Variants in CNTNAP5 observed in about 807,000 individuals in gnomAD.
The protein encoded by CNTNAP5 is contactin associated protein family member 5, also known as contactin-associated protein-like 5.
In CNTNAP5, 72 loss-of-function variants were observed where a neutral mutation model predicts 150.2. The observed-to-expected ratio is 0.48, with a 90% CI of 0.40 to 0.58. The LOEUF (loss-of-function observed/expected upper bound fraction) is 0.58, where lower values mean the gene tolerates loss of function less well. CNTNAP5 is among the 20% of genes least tolerant of loss of function. CNTNAP5 has a pLI of 0.00. For synonymous variants in CNTNAP5, 672 were observed against 619.8 expected (o/e 1.08, Z -1.25); for missense variants, 1,636 against 1,626.2 (o/e 1.01, Z -0.10).
rs369255626 is a variant in CNTNAP5 at position 124,779,877 on chromosome 2, C to T, written c.2752+6860C>T. 1.2e-4 allele frequency among the ~76,000 whole-genome samples: 18 copies of T among 152,294 alleles called. No individual in the cohort carries two copies. In the East Asian group the frequency reaches 2.1e-3, roughly 18 times the overall value. On this transcript the variant is annotated intron_variant, in intron 17 of 23. Coordinates refer to ENST00000682447, the MANE Select transcript of CNTNAP5 (RefSeq NM_001367498.1). ...CCTATCTCTGTGAGCACACACAATA[C>T]GCCTGATTATACTGACCTGATTGTT...
At chr2:124,883,569 TG>T (rs1405255903) in intron 21 of CNTNAP5, among the ~76,000 whole-genome samples, 5 of 152,102 alleles carry the variant, frequency 3.3e-5, no homozygotes, top group Admixed American at 6.6e-5. Context: ...TTTATAACTC[TG>T]GGTATAGCAA....
Position 124,454,104 on chromosome 2 carries a change from T to C in CNTNAP5, c.918+7167T>C, listed in dbSNP as rs535410589. The stretch of plus-strand genomic sequence containing the variant: ...AATGCTCCACTTAAAAGATACAGAA[T>C]TGCAGAATGGATAAGAGTTCACCAA... On this transcript the variant is annotated intron_variant, in intron 6 of 23. Coordinates refer to ENST00000682447, the MANE Select transcript of CNTNAP5 (RefSeq NM_001367498.1). Among the ~76,000 whole-genome samples the C allele has an allele frequency of 4.0e-4, 61 of 152,236 alleles. No homozygotes were observed. The Middle Eastern group carries it at 0.014, about 34-fold the overall frequency.
intron 13 of CNTNAP5, among the ~76,000 whole-genome samples, chr2:124,677,017 G>A (rs1014197493): frequency 6.6e-6 from 1 of 152,176 alleles, no homozygotes; most frequent in Non-Finnish European, 1.5e-5. Flanking sequence ...GTCCGGAATT[G>A]ATTCCTTCTG....
At chr2:124,166,992 C>T (rs1684822550) in intron 1 of CNTNAP5, among the ~76,000 whole-genome samples, 1 of 152,086 alleles carries the variant, frequency 6.6e-6, no homozygotes, top group South Asian at 2.1e-4. Flanking sequence ...ATGACCTTAA[C>T]TCTTGTATAT....
intron 22 of CNTNAP5, among the ~76,000 whole-genome samples, chr2:124,906,922 C>T (rs981755136): frequency 5.9e-5 from 9 of 152,024 alleles, no homozygotes; most frequent in Admixed American, 4.6e-4. Flanking sequence ...GTGTTAACTT[C>T]CATAGTTAGT....
At chr2:124,169,708 G>A (rs925005533) in intron 1 of CNTNAP5, among the ~76,000 whole-genome samples, 2 of 152,112 alleles carry the variant, frequency 1.3e-5, no homozygotes, top group African/African-American at 4.8e-5. Flanking sequence ...ATTATTGTTT[G>A]TTTGTTTAAG....
chr2:124,700,633 G>A (rs1369629607), intron 13 of CNTNAP5, among the ~76,000 whole-genome samples: 1 of 151,940 alleles, frequency 6.6e-6, no homozygotes, highest in African/African-American at 2.4e-5. Context: ...CATGGTAAAG[G>A]ATTTGTCATT....
At position 124,529,058 on chromosome 2, in the gene CNTNAP5, GT is replaced by G. The variant is rs777056828; in HGVS notation, c.1649+1616del. Among the ~76,000 whole-genome samples the G allele has an allele frequency of 8.1e-3, 1,144 of 140,750 alleles. 13 individuals are homozygous for G. Among genetic ancestry groups the G allele is most frequent in the African/African-American group, 0.026 (979 of 38,072 alleles). The allele number at this position is 140,750 out of a possible 152,430, so 92.3% of individuals were successfully genotyped here. On this transcript the variant is annotated intron_variant, in intron 10 of 23. Coordinates refer to ENST00000682447, the MANE Select transcript of CNTNAP5 (RefSeq NM_001367498.1). ...GCAGATTTTCTGGCTCTTCTGCTTT[GT>G]TTTTTTTTTTTTTCTATTTGACCAG... is the stretch of plus-strand genomic sequence containing the variant.
At chr2:124,319,899 A>AACTATATAT (rs1689057468) in intron 3 of CNTNAP5, among the ~76,000 whole-genome samples, 2 of 152,238 alleles carry the variant, frequency 1.3e-5, no homozygotes, top group Non-Finnish European at 2.9e-5. Context: ...ACAGCTTTAT[A>AACTATATAT]ACTATATATT....
chr2:124,389,863 G>A (rs1691065906), intron 3 of CNTNAP5, among the ~76,000 whole-genome samples: 1 of 152,112 alleles, frequency 6.6e-6, no homozygotes, highest in Non-Finnish European at 1.5e-5. Context: ...CTACTTGGGA[G>A]GCTGAAGCTG....
At chr2:124,204,489 C>T (rs945393177) in intron 1 of CNTNAP5, among the ~76,000 whole-genome samples, 6 of 152,284 alleles carry the variant, frequency 3.9e-5, no homozygotes, top group Middle Eastern at 3.4e-3. Context: ...ATCTTTATAG[C>T]AGAGCCCACT....
intron 3 of CNTNAP5, among the ~76,000 whole-genome samples, chr2:124,411,179 G>A (rs1691750924): frequency 6.6e-6 from 1 of 152,176 alleles, no homozygotes; most frequent in Admixed American, 6.5e-5. Context: ...GTCTAAACCA[G>A]GAAGAAGTTG....
chr2:124,381,523 G>A (rs1436091323), intron 3 of CNTNAP5, among the ~76,000 whole-genome samples: 3 of 152,090 alleles, frequency 2.0e-5, no homozygotes, highest in Non-Finnish European at 4.4e-5. Context: ...GGGAAATGGT[G>A]ATAGGATCAC....
intron 13 of CNTNAP5, among the ~76,000 whole-genome samples, chr2:124,691,767 C>T (rs1224765227): frequency 6.6e-6 from 1 of 152,060 alleles, no homozygotes; most frequent in Non-Finnish European, 1.5e-5. Context: ...TCTGCACACA[C>T]TATTGTACTA....
chr2:124,724,038 G>A (rs998809233), intron 13 of CNTNAP5, among the ~76,000 whole-genome samples: 18 of 151,818 alleles, frequency 1.2e-4, no homozygotes, highest in Admixed American at 1.1e-3. Flanking sequence ...CCAGCTACTC[G>A]GGAGGCTGAG....
At chr2:124,571,317 T>C (rs532973472) in intron 11 of CNTNAP5, among the ~76,000 whole-genome samples, 3 of 152,124 alleles carry the variant, frequency 2.0e-5, no homozygotes, top group East Asian at 3.9e-4. Flanking sequence ...GTCAATCAGG[T>C]GTGGTAGGCC....
At chr2:124,237,723 G>C (rs1034128784) in intron 2 of CNTNAP5, among the ~76,000 whole-genome samples, 2 of 152,078 alleles carry the variant, frequency 1.3e-5, no homozygotes, top group Non-Finnish European at 2.9e-5. Context: ...TGTAATCCCA[G>C]CTACTCGGGA....
intron 13 of CNTNAP5, among the ~76,000 whole-genome samples, chr2:124,655,249 G>GT (rs1678418023): frequency 3.3e-5 from 5 of 152,110 alleles, no homozygotes; most frequent in South Asian, 2.1e-4. Context: ...GTGGTGTTTG[G>GT]TTTTCTGTTC....
chr2:124,592,883 TC>T lies in CNTNAP5; in HGVS notation c.1757-16915del, dbSNP rs1281226965. Among the ~76,000 whole-genome samples the T allele has an allele frequency of 3.3e-5, 5 of 152,000 alleles. No homozygotes were observed. The East Asian group carries it at 9.7e-4, about 29-fold the overall frequency. On this transcript the variant is annotated intron_variant, in intron 11 of 23. Coordinates refer to ENST00000682447, the MANE Select transcript of CNTNAP5 (RefSeq NM_001367498.1). Reference sequence around the variant, plus strand: ...GCTTTGTGATGCAAATTGTAATTTTTCCCAGTTTGTCCATTTGCCCTTTTTT... The same window carrying T: ...GCTTTGTGATGCAAATTGTAATTTTTCCAGTTTGTCCATTTGCCCTTTTTT...
Sources: gnomAD v4.1 joint callset for allele counts (sites outside exome capture counted in the v4.1 genomes callset) on GRCh38, gnomAD v4.1.1 for gene constraint, MANE v1.5 for transcripts, NCBI Gene and HGNC (gene_info 2026-07-23, HGNC 2026-07-21) for gene names.